DOCK1: variants seen among roughly 807,000 people sequenced by gnomAD.
DOCK1 encodes the protein dedicator of cytokinesis protein 1.
Under a neutral mutation model 262.7 loss-of-function variants are expected in DOCK1, and 138 were observed. The observed-to-expected ratio is 0.53, with a 90% confidence interval of 0.46 to 0.61. The LOEUF is 0.61. Among genes scored for constraint, DOCK1 ranks in the 20% least tolerant of loss-of-function variants. DOCK1 has a pLI of 0.00. For synonymous variants in DOCK1, 866 were observed against 867.4 expected (o/e 1.00, Z 0.03); for missense variants, 1,908 against 2,370.7 (o/e 0.80, Z 4.05).
At chr10:127,122,538 A>G (rs1166410819) in intron 25 of DOCK1, among the ~76,000 whole-genome samples, 1 of 150,050 alleles carries the variant, frequency 6.7e-6, no homozygotes, top group African/African-American at 2.5e-5. Flanking sequence ...ACATCGCCCC[A>G]CCTCCCCACT....
rs1478649953 is a variant in DOCK1, at chr10:127,410,134, C to T, written c.4344-706C>T. On this transcript the variant is annotated intron_variant, in intron 42 of 51. Transcript: ENST00000623213. ...TCCTGAAGTTTGGTGGTTTCTTTAA[C>T]CTTTCATCGTTTCTTTGACCTTGCA... Among the ~76,000 whole-genome samples the T allele has an allele frequency of 1.3e-5, 2 of 152,090 alleles. 1 individual carries two copies. Among genetic ancestry groups the T allele is most frequent in the South Asian group, 4.1e-4 (2 of 4,832 alleles).
intron 1 of DOCK1, among the ~76,000 whole-genome samples, chr10:126,941,689 A>G (rs1015022491): frequency 6.6e-6 from 1 of 152,208 alleles, no homozygotes; most frequent in Admixed American, 6.5e-5. Context: ...CGGGAGGCGG[A>G]GCTTGCAGTG....
chr10:127,342,347 TA>T (rs990218836), intron 30 of DOCK1, among the ~76,000 whole-genome samples: 18 of 151,876 alleles, frequency 1.2e-4, no homozygotes, highest in Non-Finnish European at 2.5e-4. Context: ...TAAAGGGGGC[TA>T]AAAAAAAGAG....
intron 27 of DOCK1, among the ~76,000 whole-genome samples, chr10:127,244,169 T>C (rs533533353): frequency 1.3e-5 from 2 of 151,974 alleles, no homozygotes; most frequent in South Asian, 2.1e-4. Context: ...GTTTTTTTTT[T>C]CTAGTATATG....
chr10:127,403,739 A>G (rs1275355096), intron 39 of DOCK1, among the ~76,000 whole-genome samples: 1 of 152,228 alleles, frequency 6.6e-6, no homozygotes, highest in African/African-American at 2.4e-5. Flanking sequence ...AGCCTGGGCA[A>G]CAGAGTGAGA....
Position 127,374,112 on chromosome 10 carries a change from T to A in DOCK1, c.3573T>A (p.Phe1191Leu). The A allele has an allele frequency of 6.2e-7, 1 of 1,613,630 alleles. No individual in the cohort carries two copies. Among genetic ancestry groups the A allele is most frequent in the Non-Finnish European group, 8.5e-7 (1 of 1,179,728 alleles). Residue 1191 changes from phenylalanine to leucine, a missense_variant, in exon 35 of 52, where the codon TTT becomes TTA. Physicochemically the swap from Phe to Leu is conservative, Grantham distance 22 (BLOSUM62 0). Coordinates refer to ENST00000623213, the MANE Select transcript of DOCK1 (RefSeq NM_001290223.2). The stretch of plus-strand genomic sequence containing the variant: ...ACCTCGCCAAAACAGGAGAAACTTT[T>A]GTAAAACTCGTTGTGCGCTTAATGG... ...HKYLAKTGET[F>L]VKLVVRLMER...
At chr10:127,284,620 C>T (rs1168211665) in intron 29 of DOCK1, among the ~76,000 whole-genome samples, 1 of 152,146 alleles carries the variant, frequency 6.6e-6, no homozygotes, top group Non-Finnish European at 1.5e-5. Flanking sequence ...AGCACAGTGG[C>T]TCATGCCTGT....
rs2063312530 is a variant in DOCK1 at position 127,338,993 on chromosome 10, C to A, written c.3045-13C>A. On this transcript the variant is annotated splice_polypyrimidine_tract_variant and intron_variant, in intron 29 of 51. Transcript: ENST00000623213. ...TAAGTGTGTAATTATGTAATTTTCT[C>A]TTGATCTTTCAGAGTCTTCCTGCGA... The A allele has an allele frequency of 1.3e-6, 2 of 1,567,424 alleles. No individual in the cohort carries two copies. The highest frequency in any genetic ancestry group is 2.3e-5 in the East Asian group (1 of 42,602).
intron 27 of DOCK1, among the ~76,000 whole-genome samples, chr10:127,202,372 A>C (rs1202114254): frequency 6.6e-6 from 1 of 151,060 alleles, no homozygotes; most frequent in Non-Finnish European, 1.5e-5. Context: ...TGGATTTCAC[A>C]CTTGAGTTTC....
At chr10:127,261,893 TGTGTGTGC>T (rs2060155759) in intron 29 of DOCK1, among the ~76,000 whole-genome samples, 1 of 60,516 alleles carries the variant, frequency 1.7e-5, no homozygotes, top group Non-Finnish European at 3.7e-5. Context: ...TGCTCATCTG[TGTGTGTGC>T]ATGTGTGTGT....
chr10:126,928,051 G>GAAGAGGGGCT (rs1263709111), intron 1 of DOCK1, among the ~76,000 whole-genome samples: 9 of 152,234 alleles, frequency 5.9e-5, no homozygotes, highest in Admixed American at 5.9e-4. Flanking sequence ...ATACTCAGGG[G>GAAGAGGGGCT]AAGAGGGGCT....
intron 1 of DOCK1, among the ~76,000 whole-genome samples, chr10:126,918,436 C>G (rs1320139284): frequency 6.6e-6 from 1 of 152,218 alleles, no homozygotes; most frequent in Admixed American, 6.5e-5. Context: ...CACAGAGTTG[C>G]TGGAGAGTTG....
At chr10:127,132,343 A>G (rs1444285542) in intron 27 of DOCK1, among the ~76,000 whole-genome samples, 1 of 152,236 alleles carries the variant, frequency 6.6e-6, no homozygotes, top group Admixed American at 6.5e-5. Flanking sequence ...TCTATTTGGC[A>G]GTTGCAGAAT....
At chr10:127,093,239 C>CTTTCTTTCTTTTCTTTTCTTTCTTTCT (rs372397425) in intron 23 of DOCK1, among the ~76,000 whole-genome samples, 12 of 94,268 alleles carry the variant, frequency 1.3e-4, no homozygotes, top group Admixed American at 2.1e-4. Flanking sequence ...TTCTTTCTTT[C>CTTTCTTTCTTTTCTTTTCTTTCTTTCT]TTCTTTTTTT....
chr10:127,245,162 C>T (rs2059390246), intron 27 of DOCK1, among the ~76,000 whole-genome samples: 1 of 152,132 alleles, frequency 6.6e-6, no homozygotes, highest in Admixed American at 6.6e-5. Context: ...ATACTGATAA[C>T]CCAAGGATGG....
At chr10:127,322,355 A>G (rs1450419713) in intron 29 of DOCK1, among the ~76,000 whole-genome samples, 1 of 148,860 alleles carries the variant, frequency 6.7e-6, no homozygotes, top group Non-Finnish European at 1.5e-5. Flanking sequence ...ATGCCTGGAT[A>G]ATTTTTGTAT....
intron 2 of DOCK1, among the ~76,000 whole-genome samples, chr10:126,975,784 ATT>A (rs35799229): frequency 6.8e-6 from 1 of 146,454 alleles, no homozygotes. Context: ...CGCCCAGCCA[ATT>A]TTTTTTTTTT....
intron 31 of DOCK1, among the ~76,000 whole-genome samples, chr10:127,348,253 G>A (rs897746521): frequency 6.6e-6 from 1 of 152,026 alleles, no homozygotes; most frequent in Non-Finnish European, 1.5e-5. Context: ...GGACAGAGAT[G>A]TCAACAGAAT....
At chr10:127,356,607 T>TGAGA (rs1249520547) in intron 32 of DOCK1, among the ~76,000 whole-genome samples, 1 of 150,256 alleles carries the variant, frequency 6.7e-6, no homozygotes, top group Non-Finnish European at 1.5e-5. Flanking sequence ...TGTGGTCCCA[T>TGAGA]GAGAGAGAGA....
Sources: allele counts gnomAD v4.1 joint callset (sites outside exome capture counted in the v4.1 genomes callset), GRCh38; gene constraint gnomAD v4.1.1; transcripts MANE v1.5; gene names NCBI Gene and HGNC (gene_info 2026-07-23, HGNC 2026-07-21).